The following PISD variants were observed in gnomAD, a reference collection of about 807,000 sequenced individuals.
PISD encodes the protein phosphatidylserine decarboxylase.
A neutral mutation model predicts 43.5 loss-of-function variants in PISD; 31 were observed. The ratio of observed to expected loss-of-function variants is 0.71; its 90% CI spans 0.54 to 0.96. The LOEUF (loss-of-function observed/expected upper bound fraction) is 0.96. Among genes scored for constraint, PISD ranks in the 40% least tolerant of loss-of-function variants. The pLI is 0.00. For synonymous variants in PISD, 259 were observed against 228.7 expected (o/e 1.13, Z -1.20); for missense variants, 523 against 548.4 (o/e 0.95, Z 0.46).
At chr22:31,643,504 T>C (rs969045374) in intron 3 of PISD, among the ~76,000 whole-genome samples, 5 of 151,928 alleles carry the variant, frequency 3.3e-5, no homozygotes, top group African/African-American at 1.2e-4. Flanking sequence ...AAGGCTAAGG[T>C]GAAAGAAACA....
intron 1 of PISD, among the ~76,000 whole-genome samples, chr22:31,660,813 A>C (rs1329441072): frequency 1.3e-5 from 2 of 152,138 alleles, no homozygotes; most frequent in East Asian, 3.9e-4. Flanking sequence ...GGCTTATTGC[A>C]ACCTCCGCCT....
intron 3 of PISD, chr22:31,626,144 C>G: frequency 2.3e-6 from 2 of 856,674 alleles, no homozygotes; most frequent in Non-Finnish European, 3.2e-6. Flanking sequence ...TCTGTCCCTG[C>G]TACCCAGGGC....
intron 3 of PISD, chr22:31,632,136 G>T: frequency 1.8e-6 from 1 of 555,866 alleles, no homozygotes; most frequent in Non-Finnish European, 2.3e-6. Flanking sequence ...GCCTGGAATA[G>T]GACATAAGGG....
At chr22:31,655,467 C>T (rs1475538583) in intron 1 of PISD, among the ~76,000 whole-genome samples, 5 of 152,080 alleles carry the variant, frequency 3.3e-5, no homozygotes, top group African/African-American at 1.2e-4. Context: ...AGGTGTGCAC[C>T]AGCACACTTA....
intron 3 of PISD, among the ~76,000 whole-genome samples, chr22:31,641,634 G>A (rs1161764954): frequency 6.6e-6 from 1 of 150,886 alleles, no homozygotes; most frequent in African/African-American, 2.5e-5. Context: ...GGCCAACAAT[G>A]GTGAAACCCG....
intron 6 of PISD, 29 bp from the exon 7 acceptor site, chr22:31,620,742 C>T: frequency 1.2e-6 from 2 of 1,612,590 alleles, no homozygotes; most frequent in Non-Finnish European, 1.7e-6. Context: ...CCGCTACTCC[C>T]CGTCCAGAGC....
chr22:31,621,364 T>G lies in PISD; in HGVS notation c.667A>C (p.Met223Leu). ...YSLESFLGPR[M>L]CTEDLPFPPA... The stretch of plus-strand genomic sequence containing the variant: ...GGGAAGGGCAGGTCCTCTGTGCACA[T>G]ACGCGGGCCCAGGAACGACTCCAGG... Residue 223 changes from methionine (M) to leucine (L), a missense_variant, in exon 5 of 8, where the codon ATG becomes CTG. Met to Leu is a conservative substitution (Grantham distance 15, BLOSUM62 2). Transcript: ENST00000439502. 6.2e-7 allele frequency: 1 copy of G among 1,614,022 alleles called. No homozygotes were observed. Among genetic ancestry groups the G allele is most frequent in the South Asian group, 1.1e-5 (1 of 91,080 alleles).
At chr22:31,650,471 G>A (rs529690574) in intron 2 of PISD, among the ~76,000 whole-genome samples, 1 of 149,352 alleles carries the variant, frequency 6.7e-6, no homozygotes, top group Non-Finnish European at 1.5e-5. Flanking sequence ...TGGAGGTTTA[G>A]TAAGCCGAGA....
chr22:31,631,221 C>T (rs2073193919), intron 3 of PISD, among the ~76,000 whole-genome samples: 1 of 152,210 alleles, frequency 6.6e-6, no homozygotes, highest in African/African-American at 2.4e-5. Flanking sequence ...CTCCCCTCCA[C>T]CACCCGCGAC....
At chr22:31,638,231 C>G (rs1482560825) in intron 3 of PISD, 1 of 278,570 alleles carries the variant, frequency 3.6e-6, no homozygotes, top group Admixed American at 6.5e-5. Context: ...CAAAGGAACT[C>G]AGGACGCTGT....
In PISD at chr22:31,637,163, AAATATATATATATATATATATATATAT is replaced by A. The variant is rs1390061300; in HGVS notation, c.321+10911_321+10937del. Among the ~76,000 whole-genome samples the A allele has an allele frequency of 6.9e-3, 141 of 20,408 alleles. 6 individuals carry two copies. The highest frequency in any genetic ancestry group is 0.022 in the Middle Eastern group (1 of 46). The allele number at this position is 20,408 out of a possible 152,430, so 13.4% of individuals were successfully genotyped here. On this transcript the variant is annotated intron_variant, in intron 3 of 7. Coordinates refer to ENST00000439502, the MANE Select transcript of PISD (RefSeq NM_001326411.2). ...TAAATTAAAAAAAAAAAAAAAAAAA[AAATATATATATATATATATATATATAT>A]ATATATATATATATATAGAAAAATT...
intron 3 of PISD, among the ~76,000 whole-genome samples, chr22:31,636,326 G>A (rs566806731): frequency 3.0e-4 from 45 of 152,228 alleles, no homozygotes; most frequent in African/African-American, 9.1e-4. Flanking sequence ...AGGAAGCAGC[G>A]CTCAGACAGG....
At chr22:31,619,984 G>C in intron 7 of PISD, 148 bp from the exon 8 acceptor site, 1 of 620,550 alleles carries the variant, frequency 1.6e-6, no homozygotes, top group Non-Finnish European at 2.9e-6. Context: ...TGGCATCTCA[G>C]GGCCAGGTGG....
In PISD at chr22:31,648,246, C is replaced by T. The variant is rs754612768; in HGVS notation, c.176G>A (p.Arg59Gln). The T allele has an allele frequency of 3.4e-5, 54 of 1,610,362 alleles. No individual in the cohort carries two copies. The highest frequency in any genetic ancestry group is 5.5e-5 in the South Asian group (5 of 90,584). ...CAGGGGACGCAGCAGGAACATGGTT[C>T]GGGCAGGGGCAGTGTGGATTTTTCT... ...DARKIHTAPA[R>Q]TMFLLRPLPI... Residue 59 changes from arginine (R) to glutamine (Q), a missense_variant, in exon 3 of 8, where the codon CGA becomes CAA. Transcript: ENST00000439502.
chr22:31,657,656 G>A (rs762244510), intron 1 of PISD, among the ~76,000 whole-genome samples: 2 of 152,038 alleles, frequency 1.3e-5, no homozygotes, highest in African/African-American at 2.4e-5. Context: ...CTGAGTAGCT[G>A]GGATTACAGG....
intron 3 of PISD, among the ~76,000 whole-genome samples, chr22:31,640,643 C>T (rs548373663): frequency 4.0e-5 from 5 of 125,656 alleles, no homozygotes; most frequent in East Asian, 5.4e-4. Flanking sequence ...TACAATGGCA[C>T]GATCTCGGCT....
At chr22:31,628,947 A>T (rs1350794565) in intron 3 of PISD, 1 of 985,330 alleles carries the variant, frequency 1.0e-6, no homozygotes, top group African/African-American at 1.7e-5. Flanking sequence ...GGCAGTTCTA[A>T]AACAGGAACC....
In PISD at chr22:31,662,154, A is replaced by C. The variant is rs561894736; in HGVS notation, c.55T>G (p.Trp19Gly). ...CLGLLHGVAP[W>G]RSSLHPCEIT... ...TCCGCGCTGCTATACCTGCTCCGCC[A>C]CGGCGCGACCCCGTGCAGTAATCCC... The change falls in exon 1 of 8, where the codon TGG (tryptophan) becomes GGG (glycine). Residue 19 changes from tryptophan to glycine, a missense_variant. Coordinates refer to ENST00000439502, the MANE Select transcript of PISD (RefSeq NM_001326411.2). 1 of 1,607,438 alleles carries C rather than the reference A, an allele frequency of 6.2e-7. No individual in the cohort carries two copies. The highest frequency in any genetic ancestry group is 8.5e-7 in the Non-Finnish European group (1 of 1,179,796).
chr22:31,654,267 C>T (rs1569493140), intron 1 of PISD, among the ~76,000 whole-genome samples: 1 of 152,084 alleles, frequency 6.6e-6, no homozygotes, highest in Non-Finnish European at 1.5e-5. Context: ...GATTTTTTTC[C>T]TATTTCTCTG....
Sources: gnomAD v4.1 joint callset for allele counts (sites outside exome capture counted in the v4.1 genomes callset) on GRCh38, gnomAD v4.1.1 for gene constraint, MANE v1.5 for transcripts, NCBI Gene and HGNC (gene_info 2026-07-23, HGNC 2026-07-21) for gene names.